CNTNAP2: variants seen among roughly 807,000 people sequenced by gnomAD.
CNTNAP2 encodes contactin associated protein 2, also known as contactin-associated protein-like 2.
CNTNAP2 carries 98 observed loss-of-function variants against 155.2 expected under a neutral mutation model. That is an observed-to-expected ratio of 0.63 (90% CI 0.54 to 0.75). CNTNAP2 has a LOEUF of 0.75. Among genes scored for constraint, CNTNAP2 ranks in the 30% least tolerant of loss-of-function variants. The pLI, the probability that CNTNAP2 is intolerant of heterozygous loss-of-function variation, is 0.00. For synonymous variants in CNTNAP2, 651 were observed against 631.2 expected (o/e 1.03, Z -0.47); for missense variants, 1,727 against 1,688.1 (o/e 1.02, Z -0.40).
At chr7:147,732,164 T>A (rs926887549) in intron 13 of CNTNAP2, among the ~76,000 whole-genome samples, 7 of 148,040 alleles carry the variant, frequency 4.7e-5, no homozygotes, top group African/African-American at 1.8e-4. Flanking sequence ...ATTAGGTATA[T>A]CTCCTAATGC....
At chr7:147,975,677 C>A (rs553859000) in intron 14 of CNTNAP2, among the ~76,000 whole-genome samples, 1 of 152,224 alleles carries the variant, frequency 6.6e-6, no homozygotes, top group East Asian at 1.9e-4. Flanking sequence ...AAATTTATTT[C>A]TCACTGTTAC....
intron 11 of CNTNAP2, among the ~76,000 whole-genome samples, chr7:147,546,006 G>A (rs946199569): frequency 5.3e-5 from 8 of 152,032 alleles, no homozygotes; most frequent in East Asian, 1.9e-4. Context: ...TTCACCTTCC[G>A]CCATGATTGT....
At chr7:148,315,217 C>T (rs1300400369) in intron 21 of CNTNAP2, among the ~76,000 whole-genome samples, 1 of 152,100 alleles carries the variant, frequency 6.6e-6, no homozygotes, top group Non-Finnish European at 1.5e-5. Context: ...CACTTGCGTC[C>T]ATGTGAAGAG....
chr7:146,871,496 C>A (rs1448423369), intron 3 of CNTNAP2, among the ~76,000 whole-genome samples: 1 of 151,870 alleles, frequency 6.6e-6, no homozygotes, highest in Non-Finnish European at 1.5e-5. Flanking sequence ...TGCCACTGTA[C>A]TCCAGCCTGG....
At chr7:147,158,416 G>T (rs1023335697) in intron 8 of CNTNAP2, among the ~76,000 whole-genome samples, 2 of 152,134 alleles carry the variant, frequency 1.3e-5, no homozygotes, top group Non-Finnish European at 2.9e-5. Flanking sequence ...TAGTTCTTCA[G>T]TGACTTTATT....
At chr7:146,820,528 A>G (rs1225194233) in intron 2 of CNTNAP2, among the ~76,000 whole-genome samples, 1 of 152,106 alleles carries the variant, frequency 6.6e-6, no homozygotes, top group Non-Finnish European at 1.5e-5. Flanking sequence ...GTGGTCTGAG[A>G]GACAGTTTGT....
intron 11 of CNTNAP2, among the ~76,000 whole-genome samples, chr7:147,559,205 T>C (rs1332721657): frequency 2.0e-5 from 3 of 152,126 alleles, no homozygotes; most frequent in African/African-American, 7.2e-5. Context: ...AGAACTTTTG[T>C]AGATTGAGAA....
At chr7:147,446,259 G>T (rs1189983750) in intron 10 of CNTNAP2, among the ~76,000 whole-genome samples, 2 of 150,102 alleles carry the variant, frequency 1.3e-5, no homozygotes, top group Admixed American at 1.3e-4. Flanking sequence ...TAGATTCCAA[G>T]GTGGCACTCT....
At chr7:147,998,676 TAAAG>T (rs898492991) in intron 15 of CNTNAP2, among the ~76,000 whole-genome samples, 52 of 152,106 alleles carry the variant, frequency 3.4e-4, no homozygotes, top group Middle Eastern at 3.4e-3. Flanking sequence ...TAGCCAAACG[TAAAG>T]AAGCAAAAGT....
intron 13 of CNTNAP2, among the ~76,000 whole-genome samples, chr7:147,674,175 C>T (rs1795831963): frequency 6.6e-6 from 1 of 152,114 alleles, no homozygotes; most frequent in Non-Finnish European, 1.5e-5. Context: ...TAGTAAGCCT[C>T]ACTCCCGTTG....
intron 10 of CNTNAP2, among the ~76,000 whole-genome samples, chr7:147,475,457 ATG>A (rs1270166061): frequency 1.3e-5 from 2 of 152,032 alleles, no homozygotes; most frequent in African/African-American, 4.8e-5. Flanking sequence ...TTTAAAAGTT[ATG>A]TGTTTTTTTT....
Position 147,166,338 on chromosome 7 carries a change from CT to C in CNTNAP2, c.1348+33830del, listed in dbSNP as rs575482199. The stretch of plus-strand genomic sequence containing the variant: ...TTCTCACTCATAAGTTGGAGCTAAG[CT>C]ATGAGGATACAAAGGCATAAGAATG... On this transcript the variant is annotated intron_variant, in intron 8 of 23. Coordinates refer to ENST00000361727, the MANE Select transcript of CNTNAP2 (RefSeq NM_014141.6). Among the ~76,000 whole-genome samples the C allele has an allele frequency of 3.4e-3, 511 of 152,152 alleles. 1 individual carries two copies. Among genetic ancestry groups the C allele is most frequent in the African/African-American group, 0.011 (471 of 41,484 alleles).
intron 1 of CNTNAP2, among the ~76,000 whole-genome samples, chr7:146,153,730 A>G (rs1162036100): frequency 2.6e-5 from 4 of 152,194 alleles, no homozygotes; most frequent in African/African-American, 9.6e-5. Flanking sequence ...AAGACAATGT[A>G]CTTTGAAGTT....
At chr7:147,554,555 A>C (rs1233175417) in intron 11 of CNTNAP2, among the ~76,000 whole-genome samples, 2 of 151,562 alleles carry the variant, frequency 1.3e-5, no homozygotes, top group Non-Finnish European at 2.9e-5. Context: ...AAGAACTACA[A>C]GCTATTGTAA....
At chr7:146,929,019 A>G (rs1796679733) in intron 3 of CNTNAP2, among the ~76,000 whole-genome samples, 1 of 152,208 alleles carries the variant, frequency 6.6e-6, no homozygotes, top group South Asian at 2.1e-4. Flanking sequence ...GGCACAGACA[A>G]ACTAAAAGAC....
chr7:146,265,303 G>A (rs1258723876), intron 1 of CNTNAP2, among the ~76,000 whole-genome samples: 3 of 151,968 alleles, frequency 2.0e-5, no homozygotes, highest in African/African-American at 4.8e-5. Flanking sequence ...CATTTAAAGT[G>A]TTATAAAGAT....
chr7:146,995,339 T>C (rs1409860117), intron 3 of CNTNAP2, among the ~76,000 whole-genome samples: 8 of 152,144 alleles, frequency 5.3e-5, no homozygotes, highest in Admixed American at 5.2e-4. Context: ...TTATTTCCTT[T>C]GGATCTATAC....
chr7:146,821,464 C>G (rs1162439256), intron 2 of CNTNAP2, among the ~76,000 whole-genome samples: 1 of 152,072 alleles, frequency 6.6e-6, no homozygotes, highest in African/African-American at 2.4e-5. Context: ...GTTGAAAATT[C>G]TTTTCTTTAA....
chr7:146,170,256 C>G (rs550831829), intron 1 of CNTNAP2, among the ~76,000 whole-genome samples: 8 of 152,232 alleles, frequency 5.3e-5, no homozygotes, highest in African/African-American at 1.9e-4. Flanking sequence ...AAACTCCTGA[C>G]CTCAGGTGAT....
Sources: gnomAD v4.1 joint callset for allele counts (sites outside exome capture counted in the v4.1 genomes callset) on GRCh38, gnomAD v4.1.1 for gene constraint, MANE v1.5 for transcripts, NCBI Gene and HGNC (gene_info 2026-07-23, HGNC 2026-07-21) for gene names.